The following SYN3 variants were observed in gnomAD, a reference collection of about 807,000 sequenced individuals.
SYN3 encodes the protein synapsin-3.
In SYN3, 35 loss-of-function variants were observed where a neutral mutation model predicts 65.8. That is an observed-to-expected ratio of 0.53 (90% CI 0.41 to 0.70). SYN3 has a LOEUF of 0.70. SYN3 is among the 30% of genes least tolerant of loss of function. SYN3 has a pLI of 0.00. For missense variants in SYN3, 680 were observed against 749.0 expected, an observed-to-expected ratio of 0.91 and a Z score of 1.08; for synonymous variants, 270 against 292.9, an observed-to-expected ratio of 0.92 and a Z score of 0.80.
chr22:32,859,273 C>G (rs2048468257), intron 6 of SYN3: 2 of 1,614,096 alleles, frequency 1.2e-6, no homozygotes, highest in Admixed American at 1.7e-5. Context: ...CCCTGGCTAC[C>G]AGTCCAAACA....
At chr22:32,657,351 C>T (rs1168309833) in intron 6 of SYN3, among the ~76,000 whole-genome samples, 1 of 152,090 alleles carries the variant, frequency 6.6e-6, no homozygotes, top group African/African-American at 2.4e-5. Flanking sequence ...TCTCGATCTA[C>T]TGACATTGTG....
intron 6 of SYN3, among the ~76,000 whole-genome samples, chr22:32,699,541 G>T (rs1337066249): frequency 6.6e-6 from 1 of 152,106 alleles, no homozygotes; most frequent in Non-Finnish European, 1.5e-5. Context: ...CAGGGATGGG[G>T]GTAGGTGCTG....
chr22:32,521,567 C>T (rs2057883296), intron 12 of SYN3, among the ~76,000 whole-genome samples: 2 of 151,652 alleles, frequency 1.3e-5, no homozygotes, highest in Non-Finnish European at 2.9e-5. Flanking sequence ...CTGCCTCAGC[C>T]TCTCAAATAG....
intron 3 of SYN3, among the ~76,000 whole-genome samples, chr22:32,967,596 A>C (rs934094124): frequency 1.3e-5 from 2 of 152,238 alleles, no homozygotes; most frequent in African/African-American, 4.8e-5. Context: ...ACAGCCAGAC[A>C]GATTTTTGCA....
chr22:32,953,536 AG>A (rs2051354774), intron 3 of SYN3, among the ~76,000 whole-genome samples: 1 of 78,458 alleles, frequency 1.3e-5, no homozygotes, highest in African/African-American at 5.0e-5. Context: ...GGGGCGGGGG[AG>A]GGGGCTTTCC....
chr22:32,784,812 A>T (rs1467452635), intron 6 of SYN3: 1 of 152,244 alleles, frequency 6.6e-6, no homozygotes, highest in African/African-American at 2.4e-5. Flanking sequence ...TGCACACTGC[A>T]TGAGCTGTGG....
At chr22:32,997,269 C>A (rs1323829683) in intron 2 of SYN3, among the ~76,000 whole-genome samples, 1 of 152,152 alleles carries the variant, frequency 6.6e-6, no homozygotes, top group East Asian at 1.9e-4. Context: ...GCCATTGAAC[C>A]CCTGGTCAGG....
chr22:32,900,839 T>C (rs1395348434), intron 4 of SYN3, among the ~76,000 whole-genome samples: 1 of 152,234 alleles, frequency 6.6e-6, no homozygotes, highest in African/African-American at 2.4e-5. Context: ...TGCCTAGTAC[T>C]TTCCTACTTA....
intron 3 of SYN3, among the ~76,000 whole-genome samples, chr22:32,937,707 G>A (rs2050812598): frequency 6.6e-6 from 1 of 152,104 alleles, no homozygotes; most frequent in African/African-American, 2.4e-5. Flanking sequence ...CAACAGCGGG[G>A]ATTACAATTC....
intron 6 of SYN3, among the ~76,000 whole-genome samples, chr22:32,732,655 T>A (rs1386612496): frequency 6.6e-6 from 1 of 152,192 alleles, no homozygotes; most frequent in African/African-American, 2.4e-5. Context: ...TGTCTACATA[T>A]CCTATGAGGT....
At chr22:32,572,657 AC>A (rs2058795059) in intron 7 of SYN3, among the ~76,000 whole-genome samples, 1 of 151,048 alleles carries the variant, frequency 6.6e-6, no homozygotes, top group Admixed American at 6.6e-5. Context: ...ATGATAGCTC[AC>A]CGCAGCCTTG....
chr22:32,679,302 C>T (rs375691965), intron 6 of SYN3, among the ~76,000 whole-genome samples: 5 of 144,976 alleles, frequency 3.4e-5, no homozygotes, highest in South Asian at 2.3e-4. Flanking sequence ...CCACCCATCT[C>T]GGTCTCCCAA....
intron 6 of SYN3, among the ~76,000 whole-genome samples, chr22:32,747,113 C>G (rs1292491414): frequency 6.6e-6 from 1 of 152,174 alleles, no homozygotes; most frequent in African/African-American, 2.4e-5. Flanking sequence ...CATAATATTT[C>G]CACAACACCA....
chr22:33,029,221 C>T (rs555457475), intron 1 of SYN3, among the ~76,000 whole-genome samples: 72 of 150,672 alleles, frequency 4.8e-4, no homozygotes, highest in Admixed American at 6.0e-4. Flanking sequence ...GTTGCCCCGG[C>T]TGGAGTGCAG....
intron 6 of SYN3, among the ~76,000 whole-genome samples, chr22:32,711,510 C>T (rs924513904): frequency 6.6e-6 from 1 of 152,166 alleles, no homozygotes; most frequent in Non-Finnish European, 1.5e-5. Context: ...GAGAGAGGGG[C>T]AAGCAGAGTA....
At chr22:32,677,650 A>G (rs1170535812) in intron 6 of SYN3, among the ~76,000 whole-genome samples, 2 of 152,014 alleles carry the variant, frequency 1.3e-5, no homozygotes, top group African/African-American at 4.8e-5. Flanking sequence ...TACAAAAAAA[A>G]ATTAGCCGGT....
chr22:32,971,267 C>T (rs1238396806), intron 3 of SYN3, among the ~76,000 whole-genome samples: 1 of 152,136 alleles, frequency 6.6e-6, no homozygotes, highest in African/African-American at 2.4e-5. Context: ...TATGTTTCAG[C>T]TAATGGGCCC....
intron 6 of SYN3, among the ~76,000 whole-genome samples, chr22:32,807,389 TATATA>T (rs542841243): frequency 9.8e-6 from 1 of 102,320 alleles, no homozygotes; most frequent in African/African-American, 3.9e-5. Flanking sequence ...ATATATATTA[TATATA>T]ATATATATAT....
chr22:33,036,298 A>T (rs2053858401), intron 1 of SYN3, among the ~76,000 whole-genome samples: 1 of 152,174 alleles, frequency 6.6e-6, no homozygotes, highest in Non-Finnish European at 1.5e-5. Context: ...CACTCATTTC[A>T]GTTGTCATAG....
Sources: allele counts gnomAD v4.1 joint callset (sites outside exome capture counted in the v4.1 genomes callset), GRCh38; gene constraint gnomAD v4.1.1; transcripts MANE v1.5; gene names NCBI Gene and HGNC (gene_info 2026-07-23, HGNC 2026-07-21).